The following TWIST1 variants were observed in gnomAD, a reference collection of about 807,000 sequenced individuals.
The protein encoded by TWIST1 is twist family bHLH transcription factor 1, also known as twist-related protein 1.
A neutral mutation model predicts 12.9 loss-of-function variants in TWIST1; 8 were observed. That is an observed-to-expected ratio of 0.62 (90% CI 0.37 to 1.12). The LOEUF (loss-of-function observed/expected upper bound fraction) is 1.12, where lower values mean the gene tolerates loss of function less well. TWIST1 is among the 50% of genes most tolerant of loss of function. The probability of loss-of-function intolerance (pLI) is 0.02; values close to 1 mark genes in which losing one functional copy is unlikely to be tolerated. For missense variants in TWIST1, 268 were observed against 299.7 expected, an observed-to-expected ratio of 0.89 and a Z score of 0.78; for synonymous variants, 169 against 138.7, an observed-to-expected ratio of 1.22 and a Z score of -1.54.
At chr7:19,113,831 C>A (rs1214377601), downstream of TWIST1, 1 of 152,164 alleles carries the variant, frequency 6.6e-6, no homozygotes, top group Non-Finnish European at 1.5e-5. Context: ...AGCTACCTTT[C>A]TTTGACACAT....
Position 19,117,129 on chromosome 7 carries a change from C to CAG in TWIST1, c.192_193insCT (p.Glu65LeufsTer61). ...TTGCCCTGGGCCGGGCTGCCCGGCT[C>CAG]GTCGCCGCCTCCGACGCCCCCACCC... is the stretch of plus-strand genomic sequence containing the variant. On this transcript the variant is annotated frameshift_variant, in exon 1 of 2. Coordinates refer to ENST00000242261, the MANE Select transcript of TWIST1 (RefSeq NM_000474.4). LOFTEE classifies it high-confidence loss of function. The CAG allele has an allele frequency of 8.9e-7, 1 of 1,127,002 alleles. No individual in the cohort carries two copies. Among genetic ancestry groups the CAG allele is most frequent in the Non-Finnish European group, 1.1e-6 (1 of 922,302 alleles). The allele number at this position is 1,127,002 out of a possible 1,614,324, so 69.8% of individuals were successfully genotyped here.
downstream of TWIST1, chr7:19,113,410 G>A (rs1257700070): frequency 6.6e-6 from 1 of 152,196 alleles, no homozygotes; most frequent in Non-Finnish European, 1.5e-5. Flanking sequence ...TTCATTCTAT[G>A]TGTTCTTTAA....
At position 19,116,682 on chromosome 7, in the gene TWIST1, GC is replaced by G. The variant is rs1788574139; in HGVS notation, c.*30del. The stretch of plus-strand genomic sequence containing the variant: ...GGCGCGGTCCTTACCTAGGTCTCCG[GC>G]CCTGCTGAGGGGGTGGGGGGCTCCG... On this transcript the variant is annotated 3_prime_UTR_variant, in exon 1 of 2. Transcript: ENST00000242261. The G allele has an allele frequency of 4.4e-6, 7 of 1,574,178 alleles. No homozygotes were observed. Among genetic ancestry groups the G allele is most frequent in the Non-Finnish European group, 6.0e-6 (7 of 1,161,572 alleles).
At position 19,117,045 on chromosome 7, in the gene TWIST1, TGCC is replaced by T. The variant is rs750238627; in HGVS notation, c.274_276del (p.Gly92del). 2.1e-4 allele frequency: 300 copies of T among 1,441,088 alleles called. No individual in the cohort carries two copies. The highest frequency in any genetic ancestry group is 9.2e-4 in the Admixed American group (31 of 33,796). The allele number at this position is 1,441,088 out of a possible 1,614,324, so 89.3% of individuals were successfully genotyped here. ...TGCGGACTCCCGCCGCCGCTGCTGC[TGCC>T]GCCGCCGCCGCCCGCGCCGCCGCCG... On this transcript the variant is annotated inframe_deletion, in exon 1 of 2. Transcript: ENST00000242261.
At chr7:19,113,793 G>T (rs1409645081), downstream of TWIST1, 5 of 152,138 alleles carry the variant, frequency 3.3e-5, no homozygotes, top group East Asian at 9.6e-4. Flanking sequence ...ATTAAAAAAA[G>T]AAAGAAATAA....
At position 19,117,310 on chromosome 7, in the gene TWIST1, G is replaced by A; in HGVS notation, c.12C>T (p.Asp4=). 4.8e-6 allele frequency: 7 copies of A among 1,470,792 alleles called. No homozygotes were observed. Among genetic ancestry groups the A allele is most frequent in the Non-Finnish European group, 6.3e-6 (7 of 1,114,166 alleles). The allele number at this position is 1,470,792 out of a possible 1,614,324, so 91.1% of individuals were successfully genotyped here. MMQ[D]VSSSPVSPAD... Reference sequence around the variant, plus strand: ...CCGGCGAGACTGGCGAGCTGGACACGTCCTGCATCATCTCTCGAGCGGCGA... The same window carrying A: ...CCGGCGAGACTGGCGAGCTGGACACATCCTGCATCATCTCTCGAGCGGCGA... Residue 4 remains aspartate, a synonymous_variant, in exon 1 of 2, where the codon GAC becomes GAT. Transcript: ENST00000242261.
intron 1 of TWIST1, 117 bp downstream of exon 1, chr7:19,116,554 G>T (rs1788570340): frequency 3.4e-6 from 3 of 879,062 alleles, no homozygotes; most frequent in Non-Finnish European, 5.2e-6. Context: ...AGTGAGGTGG[G>T]AAGGCTGAGC....
At chr7:19,115,326 G>T (rs1459619928), downstream of TWIST1, 1 of 152,458 alleles carries the variant, frequency 6.6e-6, no homozygotes, top group African/African-American at 2.4e-5. Flanking sequence ...GCTTGTGCCT[G>T]TCAGTAGCTG....
downstream of TWIST1, chr7:19,113,571 G>C (rs1353972631): frequency 1.3e-5 from 2 of 152,158 alleles, no homozygotes; most frequent in Admixed American, 1.3e-4. Flanking sequence ...ATTAGAATCT[G>C]CAAGCTGGAA....
chr7:19,116,866 C>T lies in TWIST1; in HGVS notation c.456G>A (p.Ala152=), dbSNP rs1161538689. Residue 152 remains alanine, a synonymous_variant, in exon 1 of 2, where the codon GCG becomes GCA. Coordinates refer to ENST00000242261, the MANE Select transcript of TWIST1 (RefSeq NM_000474.4). ...KLSKIQTLKL[A]ARYIDFLYQV... Reference sequence around the variant, plus strand: ...GGTAGAGGAAGTCGATGTACCTGGCCGCCAGCTTGAGGGTCTGAATCTTGC... The same window carrying T: ...GGTAGAGGAAGTCGATGTACCTGGCTGCCAGCTTGAGGGTCTGAATCTTGC... 1.2e-6 allele frequency: 2 copies of T among 1,614,012 alleles called. No individual in the cohort carries two copies. Among genetic ancestry groups the T allele is most frequent in the Admixed American group, 3.3e-5 (2 of 60,000 alleles).
rs1220760007 is a variant in TWIST1, at chr7:19,116,101, C to G, written c.*73G>C. On this transcript the variant is annotated 3_prime_UTR_variant, in exon 2 of 2. Transcript: ENST00000242261. ...TCCAGCTCCAGAGTCTCTAGACTGT[C>G]CATTTTCTCCTTCTCTGGAAACAAT... The G allele has an allele frequency of 6.6e-6, 1 of 150,610 alleles. No homozygotes were observed. Among genetic ancestry groups the G allele is most frequent in the African/African-American group, 2.5e-5 (1 of 40,690 alleles). 9.3% of individuals were successfully genotyped at this position (150,610 alleles called of 1,614,324 possible).
rs955542698 is a variant in TWIST1 at position 19,115,664 on chromosome 7, G to T, written c.*510C>A. On this transcript the variant is annotated 3_prime_UTR_variant, in exon 2 of 2. Coordinates refer to ENST00000242261, the MANE Select transcript of TWIST1 (RefSeq NM_000474.4). ...CCCCTCAGAGGAAGGATGAAAAAAA[G>T]AATTAACTGACTATGGTTTTGCAGG... The T allele has an allele frequency of 2.6e-5, 4 of 151,904 alleles. No individual in the cohort carries two copies. The highest frequency in any genetic ancestry group is 7.3e-5 in the African/African-American group (3 of 41,294). The allele number at this position is 151,904 out of a possible 1,614,324, so 9.4% of individuals were successfully genotyped here.
At chr7:19,114,820 T>C (rs2115394573), downstream of TWIST1, among the ~76,000 whole-genome samples, 1 of 152,330 alleles carries the variant, frequency 6.6e-6, no homozygotes, top group Non-Finnish European at 1.5e-5. Context: ...CACAGCCTTA[T>C]ATTCTTTACA....
Position 19,117,603 on chromosome 7 carries a change from C to G in TWIST1, c.-282G>C, listed in dbSNP as rs1036898815. 3.4e-5 allele frequency: 37 copies of G among 1,085,534 alleles called. No individual in the cohort carries two copies. Among genetic ancestry groups the G allele is most frequent in the Non-Finnish European group, 9.0e-6 (8 of 885,006 alleles). 67.2% of individuals were successfully genotyped at this position (1,085,534 alleles called of 1,614,324 possible). A position where few individuals can be genotyped will look rare whatever the true frequency, so the allele number is the denominator to read the frequency against. On this transcript the variant is annotated 5_prime_UTR_variant, in exon 1 of 2. Coordinates refer to ENST00000242261, the MANE Select transcript of TWIST1 (RefSeq NM_000474.4). The stretch of plus-strand genomic sequence containing the variant: ...CCGCCAGGCCTCCTGGAAACGGTGC[C>G]GGTGCTGCAGAGCCCGCGAGGTGTC...
chr7:19,115,359 T>G (rs1257669381), downstream of TWIST1: 1 of 152,584 alleles, frequency 6.6e-6, no homozygotes, highest in East Asian at 1.9e-4. Flanking sequence ...TTTTCATTGC[T>G]TTGTTTATAT....
rs1449414807 is a variant in TWIST1, at chr7:19,117,061, C to T, written c.261G>A (p.Ala87=). 7.1e-7 allele frequency: 1 copy of T among 1,402,512 alleles called. No homozygotes were observed. Among genetic ancestry groups the T allele is most frequent in the South Asian group, 1.6e-5 (1 of 62,462 alleles). 86.9% of individuals were successfully genotyped at this position (1,402,512 alleles called of 1,614,324 possible). A position where few individuals can be genotyped will look rare whatever the true frequency, so the allele number is the denominator to read the frequency against. ...CGCTGCTGCTGCCGCCGCCGCCGCC[C>T]GCGCCGCCGCCGCCGCCACAGCCCG... The part of the protein sequence containing the change: ...KSAGCGGGGG[A]GGGGGSSSGG... Residue 87 remains alanine (A), a synonymous_variant, in exon 1 of 2, where the codon GCG becomes GCA. Coordinates refer to ENST00000242261, the MANE Select transcript of TWIST1 (RefSeq NM_000474.4).
rs1283673671 is a variant in TWIST1 at position 19,116,532 on chromosome 7, GCAA to G, written c.*42+136_*42+138del. 3 of 748,906 alleles carry G rather than the reference GCAA, an allele frequency of 4.0e-6. No individual in the cohort carries two copies. The Admixed American group carries it at 8.3e-5, about 21-fold the overall frequency. 46.4% of individuals were successfully genotyped at this position (748,906 alleles called of 1,614,324 possible). A position where few individuals can be genotyped will look rare whatever the true frequency, so the allele number is the denominator to read the frequency against. ...CTTCCGGGGACGCTGGGGGCGCGAG[GCAA>G]CGGTGCCAAGTGAGGTGGGAAGGCT... is the stretch of plus-strand genomic sequence containing the variant. On this transcript the variant is annotated intron_variant, in intron 1 of 1. Coordinates refer to ENST00000242261, the MANE Select transcript of TWIST1 (RefSeq NM_000474.4).
chr7:19,115,173 A>C (rs1255435334), downstream of TWIST1, among the ~76,000 whole-genome samples: 1 of 152,228 alleles, frequency 6.6e-6, no homozygotes, highest in Admixed American at 6.5e-5. Context: ...TGTTTTAACA[A>C]CTATCACCTC....
rs1400736750 is a variant in TWIST1 at position 19,117,347 on chromosome 7, G to A, written c.-26C>T. 2.1e-6 allele frequency: 3 copies of A among 1,438,212 alleles called. No individual in the cohort carries two copies. The highest frequency in any genetic ancestry group is 2.7e-6 in the Non-Finnish European group (3 of 1,094,420). 89.1% of individuals were successfully genotyped at this position (1,438,212 alleles called of 1,614,324 possible). On this transcript the variant is annotated 5_prime_UTR_variant, in exon 1 of 2. Transcript: ENST00000242261. Reference sequence around the variant, plus strand: ...CTCTCGAGCGGCGACGCGTGGCCTCGCGGGCCCGGGGCAGAGGAGAAGAGC... The same window carrying A: ...CTCTCGAGCGGCGACGCGTGGCCTCACGGGCCCGGGGCAGAGGAGAAGAGC...
Sources: allele counts gnomAD v4.1 joint callset (sites outside exome capture counted in the v4.1 genomes callset), GRCh38; gene constraint gnomAD v4.1.1; transcripts MANE v1.5; gene names NCBI Gene and HGNC (gene_info 2026-07-23, HGNC 2026-07-21).